The following DDN variants were observed in gnomAD, a reference collection of about 807,000 sequenced individuals.
The protein encoded by DDN is dendrin.
In DDN, 4 loss-of-function variants were observed where a neutral mutation model predicts 7.3. The ratio of observed to expected loss-of-function variants is 0.55; its 90% CI spans 0.27 to 1.25. The LOEUF (loss-of-function observed/expected upper bound fraction) is 1.25, where lower values mean the gene tolerates loss of function less well. Among genes scored for constraint, DDN ranks in the 50% most tolerant of loss-of-function variants. The probability of loss-of-function intolerance (pLI) is 0.12; values close to 1 mark genes in which losing one functional copy is unlikely to be tolerated. For missense variants in DDN, 933 were observed against 974.7 expected (o/e 0.96, Z 0.57); for synonymous variants, 425 against 424.3 (o/e 1.00, Z -0.02).
rs1222158310 is a variant in DDN, at chr12:48,995,373, GA to G, written c.*1366del. 6.4e-4 allele frequency: 93 copies of G among 145,578 alleles called. No individual in the cohort carries two copies. Among genetic ancestry groups the G allele is most frequent in the South Asian group, 1.3e-3 (6 of 4,630 alleles). 9.0% of individuals were successfully genotyped at this position (145,578 alleles called of 1,614,324 possible). A position where few individuals can be genotyped will look rare whatever the true frequency, so the allele number is the denominator to read the frequency against. On this transcript the variant is annotated 3_prime_UTR_variant, in exon 2 of 2. Coordinates refer to ENST00000421952, the MANE Select transcript of DDN (RefSeq NM_015086.2). The stretch of plus-strand genomic sequence containing the variant: ...AGAGGAGGTGTCCAAGGATCGGAGA[GA>G]AAAAAAAAAAGACTTCGGTGTCTGA...
At position 48,998,670 on chromosome 12, in the gene DDN, G is replaced by T; in HGVS notation, c.210-4C>A. ...GGATCCCGGGCGCGGCCCACACCTG[G>T]GACAATGAGCAGGAACCCAGGTGAG... On this transcript the variant is annotated splice_region_variant and splice_polypyrimidine_tract_variant and intron_variant, in intron 1 of 1. Transcript: ENST00000421952. 6.7e-7 allele frequency: 1 copy of T among 1,495,812 alleles called. No homozygotes were observed. Among genetic ancestry groups the T allele is most frequent in the South Asian group, 1.3e-5 (1 of 76,410 alleles). 92.7% of individuals were successfully genotyped at this position (1,495,812 alleles called of 1,614,324 possible).
Position 48,997,045 on chromosome 12 carries a change from G to A in DDN, c.1831C>T (p.Leu611=). The part of the protein sequence containing the change: ...ARTPGPYAGA[L]REAVSRIRRH... ...CGGATACGGGACACGGCTTCTCGCA[G>A]GGCCCCGGCGTAGGGCCCTGGGGTC... Residue 611 remains leucine, a synonymous_variant, in exon 2 of 2, where the codon CTG becomes TTG. Transcript: ENST00000421952. 3 of 1,553,396 alleles carry A rather than the reference G, an allele frequency of 1.9e-6. No homozygotes were observed. Among genetic ancestry groups the A allele is most frequent in the Non-Finnish European group, 2.6e-6 (3 of 1,153,280 alleles).
In DDN at chr12:48,998,370, G is replaced by T. The variant is rs771607976; in HGVS notation, c.506C>A (p.Ala169Glu). The T allele has an allele frequency of 4.0e-6, 6 of 1,496,696 alleles. No individual in the cohort carries two copies. In the African/African-American group the frequency reaches 7.3e-5, roughly 18 times the overall value. The allele number at this position is 1,496,696 out of a possible 1,614,324, so 92.7% of individuals were successfully genotyped here. A position where few individuals can be genotyped will look rare whatever the true frequency, so the allele number is the denominator to read the frequency against. Reference sequence around the variant, plus strand: ...TGGACGGGGCGCTCGCCCCACAGGCGCCAGGCGCTCCGGCCGCAAGGGAGC... The same window carrying T: ...TGGACGGGGCGCTCGCCCCACAGGCTCCAGGCGCTCCGGCCGCAAGGGAGC... The part of the protein sequence containing the change: ...LPAPLRPERL[A>E]PVGRAPRPSA... The change falls in exon 2 of 2, where the codon GCG becomes GAG. Residue 169 changes from alanine to glutamate, a missense_variant. By Grantham distance (107) the Ala-to-Glu change is moderately radical. Transcript: ENST00000421952.
chr12:48,998,358 C>G lies in DDN; in HGVS notation c.518G>C (p.Arg173Pro), dbSNP rs758735611. 6 of 1,511,000 alleles carry G rather than the reference C, an allele frequency of 4.0e-6. No homozygotes were observed. The highest frequency in any genetic ancestry group is 1.9e-4 in the Middle Eastern group (1 of 5,296). The allele number at this position is 1,511,000 out of a possible 1,614,324, so 93.6% of individuals were successfully genotyped here. Residue 173 changes from arginine to proline, a missense_variant, in exon 2 of 2, where the codon CGA becomes CCA. Coordinates refer to ENST00000421952, the MANE Select transcript of DDN (RefSeq NM_015086.2). The part of the protein sequence containing the change: ...LRPERLAPVG[R>P]APRPSAQPQS... Reference sequence around the variant, plus strand: ...CGGCTGCGCGGATGGACGGGGCGCTCGCCCCACAGGCGCCAGGCGCTCCGG... The same window carrying G: ...CGGCTGCGCGGATGGACGGGGCGCTGGCCCCACAGGCGCCAGGCGCTCCGG...
Position 48,996,976 on chromosome 12 carries a change from G to A in DDN, c.1900C>T (p.Leu634Phe). ...TCAGAGGAGCCGCTATGGACGCTGA[G>A]CTCCTCAGCTTCGTCCGTGTCCGAG... ...PDSDTDEAEE[L>F]SVHSGSSDGS... Residue 634 changes from leucine to phenylalanine, a missense_variant, in exon 2 of 2, where the codon CTC becomes TTC. Coordinates refer to ENST00000421952, the MANE Select transcript of DDN (RefSeq NM_015086.2). 1 of 1,572,290 alleles carries A rather than the reference G, an allele frequency of 6.4e-7. No homozygotes were observed. Among genetic ancestry groups the A allele is most frequent in the Non-Finnish European group, 8.6e-7 (1 of 1,158,382 alleles).
chr12:48,997,817 C>G lies in DDN; in HGVS notation c.1059G>C (p.Ala353=), dbSNP rs745961256. The change falls in exon 2 of 2, where the codon GCG becomes GCC. Residue 353 remains alanine (A), a synonymous_variant. Transcript: ENST00000421952. ...GAGCGGGATGCGGGGCACAGGGAGC[C>G]GCAGTTGCAGACCCCGCAGGAGCTA... The part of the protein sequence containing the change: ...TEIAPAGSAT[A]APCAPHPAPR... 5 of 1,613,932 alleles carry G rather than the reference C, an allele frequency of 3.1e-6. No homozygotes were observed. The highest frequency in any genetic ancestry group is 4.2e-6 in the Non-Finnish European group (5 of 1,179,926).
rs1428874326 is a variant in DDN, at chr12:48,999,146, G to A, written c.142C>T (p.Arg48Cys). The part of the protein sequence containing the change: ...VKTISCHYSR[R>C]APSRQPMDFQ... ...TCCATGGGCTGTCGAGAAGGGGCGCGGCGACTATAATGACAGGAAATAGTC... is the reference window on the plus strand; with the variant it reads ...TCCATGGGCTGTCGAGAAGGGGCGCAGCGACTATAATGACAGGAAATAGTC... Residue 48 changes from arginine to cysteine, a missense_variant, in exon 1 of 2, where the codon CGC becomes TGC. Transcript: ENST00000421952. The A allele has an allele frequency of 6.7e-5, 108 of 1,613,958 alleles. No individual in the cohort carries two copies. In the Admixed American group the frequency reaches 1.8e-3, roughly 26 times the overall value.
intron 1 of DDN, 141 bp downstream of exon 1, chr12:48,998,938 G>T: frequency 1.9e-6 from 2 of 1,045,886 alleles, no homozygotes; most frequent in Non-Finnish European, 1.4e-6. Context: ...GATGAGTCAG[G>T]CCCCAGCCCT....
Position 48,997,837 on chromosome 12 carries a change from G to A in DDN, c.1039C>T (p.Pro347Ser). ...GGAGCCGCAGTTGCAGACCCCGCAGGAGCTATCTCGGTGCCTGCGCTCCCT... is the reference window on the plus strand; with the variant it reads ...GGAGCCGCAGTTGCAGACCCCGCAGAAGCTATCTCGGTGCCTGCGCTCCCT... The part of the protein sequence containing the change: ...ATGSAGTEIA[P>S]AGSATAAPCA... The change falls in exon 2 of 2, where the codon CCT becomes TCT. Residue 347 changes from proline (P) to serine (S), a missense_variant. Pro to Ser is a moderately conservative substitution (Grantham distance 74). Coordinates refer to ENST00000421952, the MANE Select transcript of DDN (RefSeq NM_015086.2). The A allele has an allele frequency of 1.1e-5, 17 of 1,613,854 alleles. No homozygotes were observed. Among genetic ancestry groups the A allele is most frequent in the Non-Finnish European group, 1.3e-5 (15 of 1,180,012 alleles).
rs1346491011 is a variant in DDN at position 48,997,190 on chromosome 12, G to A, written c.1686C>T (p.Pro562=). ...GGTGCTCTGGGCTACCTGGCTGCGT[G>A]GGGGCGTCCCGCAGGTTTACTTCGG... is the stretch of plus-strand genomic sequence containing the variant. ...PAPEVNLRDA[P]TQPGSPEHQA... The change falls in exon 2 of 2, where the codon CCC becomes CCT. Residue 562 remains proline (P), a synonymous_variant. Transcript: ENST00000421952. 6.4e-7 allele frequency: 1 copy of A among 1,570,532 alleles called. No individual in the cohort carries two copies. Among genetic ancestry groups the A allele is most frequent in the East Asian group, 2.2e-5 (1 of 44,558 alleles).
rs373182785 is a variant in DDN at position 48,997,385 on chromosome 12, C to T, written c.1491G>A (p.Lys497=). The T allele has an allele frequency of 1.1e-5, 17 of 1,613,914 alleles. No homozygotes were observed. In the East Asian group the frequency reaches 2.9e-4, roughly 28 times the overall value. The change falls in exon 2 of 2, where the codon AAG becomes AAA. Residue 497 remains lysine (K), a synonymous_variant. Coordinates refer to ENST00000421952, the MANE Select transcript of DDN (RefSeq NM_015086.2). ...GDSPSQSKPG[K]EEGEGATVFP... ...AGACCGTGGCCCCTTCACCCTCCTCCTTGCCGGGCTTCGATTGGCTGGGGG... is the reference window on the plus strand; with the variant it reads ...AGACCGTGGCCCCTTCACCCTCCTCTTTGCCGGGCTTCGATTGGCTGGGGG...
rs533551094 is a variant in DDN, at chr12:48,999,251, T to C, written c.37A>G (p.Ser13Gly). ...DGPLFSEGPD[S>G]PRELQDEESG... ...TCCTCATCCTGGAGCTCCCGGGGGC[T>C]GTCAGGCCCCTCGGAGAACAGTGGG... is the stretch of plus-strand genomic sequence containing the variant. Residue 13 changes from serine to glycine, a missense_variant, in exon 1 of 2, where the codon AGC becomes GGC. Coordinates refer to ENST00000421952, the MANE Select transcript of DDN (RefSeq NM_015086.2). 3.1e-5 allele frequency: 49 copies of C among 1,563,752 alleles called. No homozygotes were observed. The highest frequency in any genetic ancestry group is 3.3e-4 in the Middle Eastern group (2 of 5,994).
rs987435241 is a variant in DDN at position 48,999,256 on chromosome 12, G to A, written c.32C>T (p.Pro11Leu). 1 of 1,558,454 alleles carries A rather than the reference G, an allele frequency of 6.4e-7. No homozygotes were observed. The highest frequency in any genetic ancestry group is 1.7e-4 in the Middle Eastern group (1 of 5,984). MLDGPLFSEGPDSPRELQDEE... is the reference protein window; with the variant it reads MLDGPLFSEGLDSPRELQDEE... ...ATCCTGGAGCTCCCGGGGGCTGTCAGGCCCCTCGGAGAACAGTGGGCCATC... is the reference window on the plus strand; with the variant it reads ...ATCCTGGAGCTCCCGGGGGCTGTCAAGCCCCTCGGAGAACAGTGGGCCATC... Residue 11 changes from proline to leucine, a missense_variant, in exon 1 of 2, where the codon CCT becomes CTT. By Grantham distance (98) the Pro-to-Leu change is moderately conservative. Transcript: ENST00000421952.
Position 48,997,873 on chromosome 12 carries a change from C to T in DDN, c.1003G>A (p.Ala335Thr). Residue 335 changes from alanine (A) to threonine (T), a missense_variant, in exon 2 of 2, where the codon GCC (alanine) becomes ACC (threonine). By Grantham distance (58) the Ala-to-Thr change is moderately conservative. Coordinates refer to ENST00000421952, the MANE Select transcript of DDN (RefSeq NM_015086.2). ...GTGCCTGCGCTCCCTGTAGCTTTGG[C>T]TTGGGGATGGCTGTCGCTACCACTG... ...LNSGSDSHPQ[A>T]KATGSAGTEI... 6.2e-7 allele frequency: 1 copy of T among 1,613,050 alleles called. No homozygotes were observed. The highest frequency in any genetic ancestry group is 8.5e-7 in the Non-Finnish European group (1 of 1,180,012).
In DDN at chr12:48,997,364, C is replaced by G. The variant is rs750394961; in HGVS notation, c.1512G>C (p.Thr504=). ...GCTTTTGACAAGGGGAAGGAAAGAC[C>G]GTGGCCCCTTCACCCTCCTCCTTGC... The part of the protein sequence containing the change: ...KPGKEEGEGA[T]VFPSPCQKRL... Residue 504 remains threonine, a synonymous_variant, in exon 2 of 2, where the codon ACG becomes ACC. Transcript: ENST00000421952. The G allele has an allele frequency of 3.1e-6, 5 of 1,612,830 alleles. No homozygotes were observed. Among genetic ancestry groups the G allele is most frequent in the Non-Finnish European group, 4.2e-6 (5 of 1,179,566 alleles).
Position 48,999,300 on chromosome 12 carries a change from C to G in DDN, c.-13G>C, listed in dbSNP as rs772222847. 3 of 1,509,612 alleles carry G rather than the reference C, an allele frequency of 2.0e-6. No individual in the cohort carries two copies. The highest frequency in any genetic ancestry group is 2.7e-6 in the Non-Finnish European group (3 of 1,126,680). 93.5% of individuals were successfully genotyped at this position (1,509,612 alleles called of 1,614,324 possible). On this transcript the variant is annotated 5_prime_UTR_variant, in exon 1 of 2. Transcript: ENST00000421952. Reference sequence around the variant, plus strand: ...GGCCATCCAGCATCCTGCCCCACCCCACCCCGGCCCCCCACCCTCCCACCC... The same window carrying G: ...GGCCATCCAGCATCCTGCCCCACCCGACCCCGGCCCCCCACCCTCCCACCC...
chr12:48,996,729 G>C lies in DDN; in HGVS notation c.*11C>G. 6.2e-7 allele frequency: 1 copy of C among 1,609,612 alleles called. No homozygotes were observed. Among genetic ancestry groups the C allele is most frequent in the East Asian group, 2.2e-5 (1 of 44,744 alleles). On this transcript the variant is annotated 3_prime_UTR_variant, in exon 2 of 2. Coordinates refer to ENST00000421952, the MANE Select transcript of DDN (RefSeq NM_015086.2). The stretch of plus-strand genomic sequence containing the variant: ...GGATGCGTTGGGGACACAAATACAA[G>C]AAGGGGCCTCTCACTGCCTCTTCCT...
chr12:48,997,062 C>G lies in DDN; in HGVS notation c.1814G>C (p.Gly605Ala). 3 of 1,530,012 alleles carry G rather than the reference C, an allele frequency of 2.0e-6. No homozygotes were observed. The highest frequency in any genetic ancestry group is 2.6e-6 in the Non-Finnish European group (3 of 1,146,638). 94.8% of individuals were successfully genotyped at this position (1,530,012 alleles called of 1,614,324 possible). A position where few individuals can be genotyped will look rare whatever the true frequency, so the allele number is the denominator to read the frequency against. Residue 605 changes from glycine to alanine, a missense_variant, in exon 2 of 2, where the codon GGG becomes GCG. Transcript: ENST00000421952. ...RAGRGWARTP[G>A]PYAGALREAV... is the part of the protein sequence containing the mutation. ...TTCTCGCAGGGCCCCGGCGTAGGGC[C>G]CTGGGGTCCGCGCCCAGCCCCGGCC...
rs535073539 is a variant in DDN at position 48,997,414 on chromosome 12, C to T, written c.1462G>A (p.Asp488Asn). ...CCGGGCTTCGATTGGCTGGGGGAATCCCCCACCACGCGTGTCACCCCAGAG... is the reference window on the plus strand; with the variant it reads ...CCGGGCTTCGATTGGCTGGGGGAATTCCCCACCACGCGTGTCACCCCAGAG... ...LPSGVTRVVG[D>N]SPSQSKPGKE... is the part of the protein sequence containing the mutation. The change falls in exon 2 of 2, where the codon GAT becomes AAT. Residue 488 changes from aspartate to asparagine, a missense_variant. By Grantham distance (23) the Asp-to-Asn change is conservative (BLOSUM62 1). Transcript: ENST00000421952. The T allele has an allele frequency of 9.9e-6, 16 of 1,613,910 alleles. No individual in the cohort carries two copies. Among genetic ancestry groups the T allele is most frequent in the Non-Finnish European group, 1.4e-5 (16 of 1,180,036 alleles).
Sources: allele counts gnomAD v4.1 joint callset, GRCh38; gene constraint gnomAD v4.1.1; transcripts MANE v1.5; gene names NCBI Gene and HGNC (gene_info 2026-07-23, HGNC 2026-07-21).